Variants in MYLK3 observed in about 807,000 individuals in gnomAD.
MYLK3 encodes the protein myosin light chain kinase 3.
MYLK3 carries 55 observed loss-of-function variants against 76.3 expected under a neutral mutation model. That is an observed-to-expected ratio of 0.72 (90% CI 0.58 to 0.90). The LOEUF (loss-of-function observed/expected upper bound fraction) is 0.90. Among genes scored for constraint, MYLK3 ranks in the 40% least tolerant of loss-of-function variants. The pLI is 0.00. For missense variants in MYLK3, 973 were observed against 1,053.6 expected, an observed-to-expected ratio of 0.92 and a Z score of 1.06; for synonymous variants, 416 against 425.4, an observed-to-expected ratio of 0.98 and a Z score of 0.27.
At chr16:46,750,176 CG>C, upstream of MYLK3, among the ~76,000 whole-genome samples, 1 of 152,180 alleles carries the variant, frequency 6.6e-6, no homozygotes, top group East Asian at 1.9e-4. Flanking sequence ...CCCTGCAGAT[CG>C]GGGCTCCCTG....
rs986807692 is a variant in MYLK3, at chr16:46,726,242, A to C, written c.1914+994T>G. 5.3e-5 allele frequency: 8 copies of C among 152,302 alleles called. No individual in the cohort carries two copies. The East Asian group carries it at 1.5e-3, about 29-fold the overall frequency. The allele number at this position is 152,302 out of a possible 1,614,324, so 9.4% of individuals were successfully genotyped here. On this transcript the variant is annotated intron_variant, in intron 8 of 12. Transcript: ENST00000394809. ...GCGCCTATTATTATGCCAGTACCAT[A>C]TACTACTCAGCCATAAAAAGGAATG...
chr16:46,738,232 A>G lies in MYLK3; in HGVS notation c.569-89T>C, dbSNP rs1364604067. On this transcript the variant is annotated intron_variant, in intron 2 of 12. Coordinates refer to ENST00000394809, the MANE Select transcript of MYLK3 (RefSeq NM_182493.3). ...GCAAGGAATCTGCACAAGGCCATTC[A>G]GTGCTCAGGTTTATAATAGCCAAAG... 5 of 1,209,476 alleles carry G rather than the reference A, an allele frequency of 4.1e-6. No individual in the cohort carries two copies. The Admixed American group carries it at 1.4e-4, about 35-fold the overall frequency. 74.9% of individuals were successfully genotyped at this position (1,209,476 alleles called of 1,614,324 possible). A position where few individuals can be genotyped will look rare whatever the true frequency, so the allele number is the denominator to read the frequency against.
chr16:46,712,052 A>G (rs972578612), intron 10 of MYLK3, among the ~76,000 whole-genome samples: 4 of 144,050 alleles, frequency 2.8e-5, no homozygotes, highest in East Asian at 2.1e-4. Flanking sequence ...ATGCAATGGC[A>G]TGATCATGGC....
Position 46,705,519 on chromosome 16 carries a change from ACTCT to A in MYLK3, c.*2181_*2184del, listed in dbSNP as rs1231680521. The A allele has an allele frequency of 1.3e-5, 2 of 151,592 alleles. No individual in the cohort carries two copies. The highest frequency in any genetic ancestry group is 4.9e-5 in the African/African-American group (2 of 41,190). 9.4% of individuals were successfully genotyped at this position (151,592 alleles called of 1,614,324 possible). On this transcript the variant is annotated 3_prime_UTR_variant, in exon 13 of 13. Transcript: ENST00000394809. ...ACTCCAGCCTGGGTGACAGAGGAAG[ACTCT>A]CTCAAAAAAAATAAAAAACTAAAGC...
intron 1 of MYLK3, among the ~76,000 whole-genome samples, chr16:46,755,562 G>A (rs745954410): frequency 1.3e-5 from 2 of 152,020 alleles, no homozygotes; most frequent in Non-Finnish European, 2.9e-5. Flanking sequence ...GGGAAAAAGA[G>A]TGTACAATAG....
At chr16:46,741,339 G>A (rs1475979615) in intron 1 of MYLK3, among the ~76,000 whole-genome samples, 1 of 152,198 alleles carries the variant, frequency 6.6e-6, no homozygotes, top group Non-Finnish European at 1.5e-5. Flanking sequence ...GCTCTCAGAA[G>A]CTTTTCCTTA....
In MYLK3 at chr16:46,729,581, C is replaced by T; in HGVS notation, c.1662+13G>A. On this transcript the variant is annotated intron_variant, in intron 6 of 12. Coordinates refer to ENST00000394809, the MANE Select transcript of MYLK3 (RefSeq NM_182493.3). ...GGCTGGCCACAGGGACCTGGCCCAG[C>T]CAGATGCCTCACCCGGTCCTTGGCG... The T allele has an allele frequency of 6.2e-7, 1 of 1,612,900 alleles. No individual in the cohort carries two copies.
intron 8 of MYLK3, chr16:46,726,622 G>T (rs899125536): frequency 7.5e-6 from 1 of 132,596 alleles, no homozygotes; most frequent in African/African-American, 2.8e-5. Context: ...AAGAGAAAGA[G>T]AAAGAAAAAG....
At chr16:46,754,856 C>T (rs756318738) in intron 1 of MYLK3, among the ~76,000 whole-genome samples, 1 of 151,372 alleles carries the variant, frequency 6.6e-6, no homozygotes, top group Non-Finnish European at 1.5e-5. Context: ...CATCAGAGAA[C>T]AAAATGAAGG....
intron 1 of MYLK3, chr16:46,757,474 C>T (rs1259900335): frequency 1.6e-5 from 16 of 985,332 alleles, no homozygotes; most frequent in Non-Finnish European, 1.8e-5. Flanking sequence ...GGTGCTGGGA[C>T]CGCGCAGTGC....
Position 46,727,251 on chromosome 16 carries a change from C to T in MYLK3, c.1899G>A (p.Leu633=), listed in dbSNP as rs779515789. ...GVHYLHQHYI[L]HLDLKPENIL... ...CAGAACCCACCTTGAGGTCCAGGTG[C>T]AGGATGTAGTGCTGGTGCAGGTAAT... Residue 633 remains leucine, a synonymous_variant, in exon 8 of 13, where the codon CTG becomes CTA. Coordinates refer to ENST00000394809, the MANE Select transcript of MYLK3 (RefSeq NM_182493.3). 1 of 1,613,932 alleles carries T rather than the reference C, an allele frequency of 6.2e-7. No individual in the cohort carries two copies. The highest frequency in any genetic ancestry group is 2.2e-5 in the East Asian group (1 of 44,862).
At position 46,735,220 on chromosome 16, in the gene MYLK3, T is replaced by C. The variant is rs1283600877; in HGVS notation, c.1001+2491A>G. Among the ~76,000 whole-genome samples the C allele has an allele frequency of 2.6e-5, 4 of 152,288 alleles. No individual in the cohort carries two copies. The East Asian group carries it at 7.7e-4, about 29-fold the overall frequency. ...TTACCCCTATTTATTTATTTATTTATTTGCAACAAAGTCTCGGTCTTGTCC... is the reference window on the plus strand; with the variant it reads ...TTACCCCTATTTATTTATTTATTTACTTGCAACAAAGTCTCGGTCTTGTCC... On this transcript the variant is annotated intron_variant, in intron 3 of 12. Transcript: ENST00000394809.
rs1465806295 is a variant in MYLK3, at chr16:46,734,985, TA to T, written c.1002-2318del. Among the ~76,000 whole-genome samples, 3 of 151,666 alleles carry T rather than the reference TA, an allele frequency of 2.0e-5. No homozygotes were observed. In the East Asian group the frequency reaches 5.9e-4, roughly 30 times the overall value. On this transcript the variant is annotated intron_variant, in intron 3 of 12. Transcript: ENST00000394809. Reference sequence around the variant, plus strand: ...AGTGGGACCTGTCTCTACAAAAACATAAAAAATTAACCAGGCATGGTGGCAC... The same window carrying T: ...AGTGGGACCTGTCTCTACAAAAACATAAAAATTAACCAGGCATGGTGGCAC...
chr16:46,759,524 G>A (rs1045311113), intron 1 of MYLK3, among the ~76,000 whole-genome samples: 1 of 152,218 alleles, frequency 6.6e-6, no homozygotes, highest in Non-Finnish European at 1.5e-5. Flanking sequence ...CTGAGGCACA[G>A]GGTGACGAAG....
At chr16:46,736,584 C>G (rs748246628) in intron 3 of MYLK3, among the ~76,000 whole-genome samples, 3 of 152,294 alleles carry the variant, frequency 2.0e-5, no homozygotes, top group Middle Eastern at 3.4e-3. Context: ...GTCCTGGTTC[C>G]GATCCCGGGA....
rs371588517 is a variant in MYLK3, at chr16:46,756,948, G to A, written c.-114+6092C>T. On this transcript the variant is annotated intron_variant, in intron 1 of 11. Coordinates refer to the MYLK3 transcript ENST00000536476. Reference sequence around the variant, plus strand: ...GGTCAGCCCAGCAAGGCAGCAATGTGCTTGCTCAGTCACTTCATTGTGGGG... The same window carrying A: ...GGTCAGCCCAGCAAGGCAGCAATGTACTTGCTCAGTCACTTCATTGTGGGG... Among the ~76,000 whole-genome samples the A allele has an allele frequency of 2.0e-5, 3 of 152,292 alleles. No individual in the cohort carries two copies. In the East Asian group the frequency reaches 5.8e-4, roughly 29 times the overall value.
At chr16:46,752,139 A>G (rs964980641), upstream of MYLK3, among the ~76,000 whole-genome samples, 9 of 152,164 alleles carry the variant, frequency 5.9e-5, no homozygotes, top group Non-Finnish European at 1.3e-4. Flanking sequence ...GGGTGGGGCC[A>G]GCACGCACCA....
In MYLK3 at chr16:46,732,332, C is replaced by A. The variant is rs967337379; in HGVS notation, c.1338G>T (p.Gln446His). 6.8e-6 allele frequency: 11 copies of A among 1,612,712 alleles called. No individual in the cohort carries two copies. The highest frequency in any genetic ancestry group is 1.3e-5 in the African/African-American group (1 of 74,934). Residue 446 changes from glutamine to histidine, a missense_variant, in exon 4 of 13, where the codon CAG (glutamine) becomes CAT (histidine). This residue lies in a region of MYLK3 where 641 missense variants were observed against 637.0 expected (regional missense o/e 1.01). Transcript: ENST00000394809. ...TTCCCGCCCCTGGGCTTTTGCCCTG[C>A]TGCAGGCCCAGGGCCCCAACCTCGT... ...NDHEVGALGL[Q>H]QGKSPGAGNP...
At chr16:46,757,384 TCTTA>T in intron 1 of MYLK3, 5 of 985,452 alleles carry the variant, frequency 5.1e-6, no homozygotes, top group Non-Finnish European at 4.8e-6. Flanking sequence ...TTCCTCAGGC[TCTTA>T]CTTCAAAGCA....
Sources: gnomAD v4.1 joint callset for allele counts (sites outside exome capture counted in the v4.1 genomes callset) on GRCh38, gnomAD v4.1.1 for gene constraint, gnomAD v4.1.1 regional missense constraint, MANE v1.5 for transcripts, NCBI Gene and HGNC (gene_info 2026-07-23, HGNC 2026-07-21) for gene names.